Variants in CD164L2 observed in about 807,000 individuals in gnomAD.
CD164L2 encodes CD164 sialomucin-like 2 protein.
In CD164L2, 21 loss-of-function variants were observed where a neutral mutation model predicts 23.9. The observed-to-expected ratio is 0.88, with a 90% confidence interval of 0.62 to 1.27. CD164L2 has a LOEUF of 1.27. CD164L2 is among the 50% of genes most tolerant of loss of function. The pLI, the probability that CD164L2 is intolerant of heterozygous loss-of-function variation, is 0.00. For missense variants in CD164L2, 230 were observed against 224.8 expected (o/e 1.02, Z -0.15); for synonymous variants, 92 against 90.2 (o/e 1.02, Z -0.11).
Position 27,382,395 on chromosome 1 carries a change from G to C in CD164L2, c.261C>G (p.His87Gln), listed in dbSNP as rs966337205. ...WEQCRPEEPG[H>Q]CVAQSEVVKE... ...TGACCACCTCAGATTGGGCCACACA[G>C]TGTCCTGGTGAGAGAAGGTGCAGGG... Residue 87 changes from histidine (H) to glutamine (Q), a missense_variant, in exon 3 of 6, where the codon CAC becomes CAG. Physicochemically the swap from His to Gln is conservative, Grantham distance 24. Transcript: ENST00000374030. 3.1e-6 allele frequency: 5 copies of C among 1,604,934 alleles called. No individual in the cohort carries two copies. Among genetic ancestry groups the C allele is most frequent in the Non-Finnish European group, 4.3e-6 (5 of 1,173,188 alleles).
intron 5 of CD164L2, 72 bp from the exon 6 acceptor site, chr1:27,379,581 G>C: frequency 6.4e-7 from 1 of 1,550,532 alleles, no homozygotes; most frequent in Non-Finnish European, 8.7e-7. Context: ...TGCCTCGAGA[G>C]GAGGCAGCAG....
rs1054570881 is a variant in CD164L2 at position 27,379,616 on chromosome 1, G to A, written c.519-107C>T. Reference sequence around the variant, plus strand: ...GAGGAAGAGCAAACACTTTAACACAGGCTGTGGCGACCCGCCCCACAGCAC... The same window carrying A: ...GAGGAAGAGCAAACACTTTAACACAAGCTGTGGCGACCCGCCCCACAGCAC... On this transcript the variant is annotated intron_variant, in intron 5 of 5. Transcript: ENST00000374030. 4.5e-6 allele frequency: 7 copies of A among 1,545,602 alleles called. No homozygotes were observed. In the Middle Eastern group the frequency reaches 5.1e-4, roughly 112 times the overall value.
rs1369289698 is a variant in CD164L2, at chr1:27,379,471, T to TC, written c.*31dup. 1 of 1,527,098 alleles carries TC rather than the reference T, an allele frequency of 6.5e-7. No homozygotes were observed. Among genetic ancestry groups the TC allele is most frequent in the African/African-American group, 1.4e-5 (1 of 72,370 alleles). 94.6% of individuals were successfully genotyped at this position (1,527,098 alleles called of 1,614,324 possible). ...AGAGGCCACCCTCTGCATCCTCCTT[T>TC]CCCCTCAGGATGGAGTCCAGGCCCA... On this transcript the variant is annotated 3_prime_UTR_variant, in exon 6 of 6. Coordinates refer to ENST00000374030, the MANE Select transcript of CD164L2 (RefSeq NM_001330448.1).
At chr1:27,380,462 G>T (rs2016316104) in intron 4 of CD164L2, among the ~76,000 whole-genome samples, 1 of 152,148 alleles carries the variant, frequency 6.6e-6, no homozygotes, top group Admixed American at 6.5e-5. Context: ...TTCTCTCTGG[G>T]CCTCATGATC....
At chr1:27,381,723 G>A in intron 4 of CD164L2, 57 bp downstream of exon 4, 1 of 1,591,706 alleles carries the variant, frequency 6.3e-7, no homozygotes, top group Non-Finnish European at 8.6e-7. Context: ...TGAGCCCAGA[G>A]CTGTCTTCCC....
intron 4 of CD164L2, among the ~76,000 whole-genome samples, 192 bp from the exon 5 acceptor site, chr1:27,380,387 G>C (rs1036744942): frequency 3.3e-5 from 5 of 152,200 alleles, no homozygotes; most frequent in Non-Finnish European, 7.3e-5. Context: ...TGGCAGGGGA[G>C]GGTGGGGTGC....
chr1:27,382,601 C>T lies in CD164L2; in HGVS notation c.155G>A (p.Gly52Glu), dbSNP rs759310060. ...IRLNIWPAVQGACKQLEVCEH... is the reference protein window; with the variant it reads ...IRLNIWPAVQEACKQLEVCEH... ...ACAGACCTCCAGCTGTTTGCAGGCC[C>T]CTTGGACCGCCGGCCAGATATTCAG... Residue 52 changes from glycine (G) to glutamate (E), a missense_variant, in exon 2 of 6, where the codon GGG (glycine) becomes GAG (glutamate). Physicochemically the swap from Gly to Glu is moderately conservative, Grantham distance 98. Coordinates refer to ENST00000374030, the MANE Select transcript of CD164L2 (RefSeq NM_001330448.1). 7 of 1,613,224 alleles carry T rather than the reference C, an allele frequency of 4.3e-6. No individual in the cohort carries two copies. The highest frequency in any genetic ancestry group is 1.3e-5 in the African/African-American group (1 of 74,986).
rs941365181 is a variant in CD164L2 at position 27,379,222 on chromosome 1, G to C, written c.*281C>G. On this transcript the variant is annotated 3_prime_UTR_variant, in exon 6 of 6. Transcript: ENST00000374030. ...TTGGGGGCAGTGCCCAGGCCAGTTG[G>C]TGGAAAGAGGCAGGCATACAACCCA... 51 of 563,698 alleles carry C rather than the reference G, an allele frequency of 9.0e-5. No homozygotes were observed. Among genetic ancestry groups the C allele is most frequent in the Admixed American group, 3.7e-4 (12 of 32,846 alleles). The allele number at this position is 563,698 out of a possible 1,614,324, so 34.9% of individuals were successfully genotyped here.
At chr1:27,381,967 A>G (rs1557582436) in intron 3 of CD164L2, 143 bp from the exon 4 acceptor site, 3 of 1,367,184 alleles carry the variant, frequency 2.2e-6, no homozygotes, top group Non-Finnish European at 3.0e-6. Context: ...TGCAAGCCCC[A>G]CACAGTTCCC....
At chr1:27,380,267 T>C (rs2016313316) in intron 4 of CD164L2, 72 bp from the exon 5 acceptor site, 1 of 1,437,822 alleles carries the variant, frequency 7.0e-7, no homozygotes, top group African/African-American at 1.4e-5. Context: ...CCCTCATAAC[T>C]GGCACAAGTA....
Position 27,381,781 on chromosome 1 carries a change from T to G in CD164L2, c.372A>C (p.Thr124=), listed in dbSNP as rs754871732. The change falls in exon 4 of 6, where the codon ACA becomes ACC. Residue 124 remains threonine, a splice_region_variant and synonymous_variant. Transcript: ENST00000374030. ...HPTYEPKTVT[T]GSPPVPEAHS... ...GCCCCGTCTCCAGGGAGTACTCACC[T>G]GTTGTGACTGTCTTCGGTTCATAGG... 6.2e-7 allele frequency: 1 copy of G among 1,614,046 alleles called. No individual in the cohort carries two copies. Among genetic ancestry groups the G allele is most frequent in the Non-Finnish European group, 8.5e-7 (1 of 1,179,918 alleles).
intron 3 of CD164L2, 47 bp downstream of exon 3, chr1:27,382,281 G>T (rs200486250): frequency 3.5e-5 from 57 of 1,614,030 alleles, no homozygotes; most frequent in Non-Finnish European, 4.8e-5. Context: ...GCAGGCTATG[G>T]CTGGGGAGAC....
Position 27,380,200 on chromosome 1 carries a change from A to G in CD164L2, c.374-5T>C. ...CCTCAGGGACTGGGGGGCTCCCTGC[A>G]GGGGTGAGGCAGGGCAGGGGTCATA... On this transcript the variant is annotated splice_region_variant and splice_polypyrimidine_tract_variant and intron_variant, in intron 4 of 5. Transcript: ENST00000374030. The G allele has an allele frequency of 6.2e-7, 1 of 1,613,418 alleles. No individual in the cohort carries two copies. The highest frequency in any genetic ancestry group is 8.5e-7 in the Non-Finnish European group (1 of 1,179,528).
intron 4 of CD164L2, 106 bp from the exon 5 acceptor site, chr1:27,380,301 A>G (rs1301812603): frequency 2.9e-6 from 3 of 1,037,882 alleles, no homozygotes; most frequent in African/African-American, 3.2e-5. Context: ...GGTCCTCAAT[A>G]TGGGGTGCTT....
chr1:27,380,028 C>T (rs755349105), intron 5 of CD164L2, 23 bp downstream of exon 5: 3 of 1,611,148 alleles, frequency 1.9e-6, no homozygotes, highest in Non-Finnish European at 2.5e-6. Context: ...GACTCAGGTA[C>T]TTGCTGCTGG....
chr1:27,379,778 T>C (rs2016304491), intron 5 of CD164L2: 3 of 1,434,204 alleles, frequency 2.1e-6, no homozygotes, highest in Non-Finnish European at 2.7e-6. Flanking sequence ...CTGGTTCTCT[T>C]CCCTGCTGGC....
chr1:27,381,911 C>G lies in CD164L2; in HGVS notation c.329-87G>C, dbSNP rs1220687450. On this transcript the variant is annotated intron_variant, in intron 3 of 5. Coordinates refer to ENST00000374030, the MANE Select transcript of CD164L2 (RefSeq NM_001330448.1). ...CCAGCCCCCACTCACCGCTAAACTT[C>G]CGATTCAGATGCAGCCCTGTCCCTA... The G allele has an allele frequency of 3.2e-6, 5 of 1,544,066 alleles. No homozygotes were observed. In the East Asian group the frequency reaches 9.1e-5, roughly 28 times the overall value.
chr1:27,380,758 G>A (rs890028544), intron 4 of CD164L2, among the ~76,000 whole-genome samples: 3 of 152,248 alleles, frequency 2.0e-5, no homozygotes, highest in Admixed American at 1.3e-4. Context: ...GTGGGTAAGC[G>A]AGGACTGGAC....
At position 27,382,393 on chromosome 1, in the gene CD164L2, C is replaced by G; in HGVS notation, c.263G>C (p.Cys88Ser). ...CTTGACCACCTCAGATTGGGCCACA[C>G]AGTGTCCTGGTGAGAGAAGGTGCAG... is the stretch of plus-strand genomic sequence containing the variant. ...EQCRPEEPGH[C>S]VAQSEVVKEG... The change falls in exon 3 of 6, where the codon TGT (cysteine) becomes TCT (serine). Residue 88 changes from cysteine to serine, a missense_variant. By Grantham distance (112) the Cys-to-Ser change is moderately radical. Transcript: ENST00000374030. 6.2e-7 allele frequency: 1 copy of G among 1,608,218 alleles called. No individual in the cohort carries two copies. The highest frequency in any genetic ancestry group is 8.5e-7 in the Non-Finnish European group (1 of 1,175,952).
Sources: gnomAD v4.1 joint callset for allele counts (sites outside exome capture counted in the v4.1 genomes callset) on GRCh38, gnomAD v4.1.1 for gene constraint, MANE v1.5 for transcripts, NCBI Gene and HGNC (gene_info 2026-07-23, HGNC 2026-07-21) for gene names.